The following TF variants were observed in gnomAD, a reference collection of about 807,000 sequenced individuals.
The protein encoded by TF is transferrin.
A neutral mutation model predicts 82.4 loss-of-function variants in TF; 55 were observed. That is an observed-to-expected ratio of 0.67 (90% confidence interval 0.54 to 0.84). The LOEUF is 0.84. Ranked by LOEUF, TF falls within the 40% of genes least tolerant of loss-of-function variation. The probability of loss-of-function intolerance (pLI) is 0.00; values close to 1 mark genes in which losing one functional copy is unlikely to be tolerated. For synonymous variants in TF, 332 were observed against 332.6 expected, an observed-to-expected ratio of 1.00 and a Z score of 0.02; for missense variants, 737 against 868.4, an observed-to-expected ratio of 0.85 and a Z score of 1.90.
At position 133,770,435 on chromosome 3, in the gene TF, G is replaced by C. The variant is rs1296208626; in HGVS notation, c.1623-73G>C. ...TCAGATGGCTGTCCTGAATCTATAA[G>C]GTAGCCCCCTGAATGACAGATAAGT... is the stretch of plus-strand genomic sequence containing the variant. On this transcript the variant is annotated intron_variant, in intron 13 of 16. Coordinates refer to ENST00000402696, the MANE Select transcript of TF (RefSeq NM_001063.4). 2.2e-6 allele frequency: 3 copies of C among 1,389,328 alleles called. No homozygotes were observed. The African/African-American group carries it at 4.3e-5, about 20-fold the overall frequency. The allele number at this position is 1,389,328 out of a possible 1,614,324, so 86.1% of individuals were successfully genotyped here. A position where few individuals can be genotyped will look rare whatever the true frequency, so the allele number is the denominator to read the frequency against.
chr3:133,734,251 G>T, the TF span, among the ~76,000 whole-genome samples: 6 of 152,146 alleles, frequency 3.9e-5, no homozygotes, highest in Admixed American at 3.9e-4. Context: ...ACCACACCTG[G>T]CACCCAGAAT....
At chr3:133,717,948 A>G in the TF span, among the ~76,000 whole-genome samples, 2 of 152,182 alleles carry the variant, frequency 1.3e-5, no homozygotes, top group African/African-American at 4.8e-5. Flanking sequence ...GACATTTCAA[A>G]TCACTGGGGA....
chr3:133,673,235 G>C, the TF span, among the ~76,000 whole-genome samples: 8 of 152,188 alleles, frequency 5.3e-5, no homozygotes, highest in African/African-American at 1.7e-4. Flanking sequence ...AGAGGAAAGA[G>C]ATTCCTAAGG....
chr3:133,753,720 AC>A lies in TF; in HGVS notation c.325+21del. The A allele has an allele frequency of 6.3e-7, 1 of 1,592,642 alleles. No homozygotes were observed. Among genetic ancestry groups the A allele is most frequent in the Non-Finnish European group, 8.6e-7 (1 of 1,160,484 alleles). On this transcript the variant is annotated intron_variant, in intron 3 of 16. Transcript: ENST00000402696. Reference sequence around the variant, plus strand: ...CAAAAGAGGGTAAGTTCTCCCTGGGACCCCAGGAAGGAGTTGTCATCCTTAT... The same window carrying A: ...CAAAAGAGGGTAAGTTCTCCCTGGGACCCAGGAAGGAGTTGTCATCCTTAT...
intron 5 of TF, among the ~76,000 whole-genome samples, chr3:133,755,989 C>T (rs1933816879): frequency 6.6e-6 from 1 of 152,220 alleles, no homozygotes; most frequent in African/African-American, 2.4e-5. Context: ...TTTTCACCCT[C>T]AGGAGACACT....
At position 133,790,358 on chromosome 3, in the gene TF, A is replaced by G. The variant is rs1314965409; in HGVS notation, c.*11738A>G. On this transcript the variant is annotated 3_prime_UTR_variant, in exon 17 of 17. Transcript: ENST00000402696. The stretch of plus-strand genomic sequence containing the variant: ...GTTACTAAGGATAAGAATTCTAGTT[A>G]ACACATAATTCTGTATACAAAACAT... The G allele has an allele frequency of 2.6e-5, 4 of 152,220 alleles. No individual in the cohort carries two copies. The East Asian group carries it at 7.7e-4, about 29-fold the overall frequency. 9.4% of individuals were successfully genotyped at this position (152,220 alleles called of 1,614,324 possible).
At position 133,748,501 on chromosome 3, in the gene TF, A is replaced by G. The variant is rs1187589793; in HGVS notation, c.133A>G (p.Met45Val). The G allele has an allele frequency of 5.0e-6, 8 of 1,614,006 alleles. No homozygotes were observed. Among genetic ancestry groups the G allele is most frequent in the African/African-American group, 2.7e-5 (2 of 74,910 alleles). The change falls in exon 2 of 17, where the codon ATG (methionine) becomes GTG (valine). Residue 45 changes from methionine to valine, a missense_variant. Met to Val is a conservative substitution (Grantham distance 21, BLOSUM62 1). Coordinates refer to ENST00000402696, the MANE Select transcript of TF (RefSeq NM_001063.4). ...TAAGTGCCAGAGTTTCCGCGACCAT[A>G]TGAAAAGCGTCATTCCATCCGATGG... ...ATKCQSFRDH[M>V]KSVIPSDGPS...
the TF span, among the ~76,000 whole-genome samples, chr3:133,725,595 T>C: frequency 1.3e-5 from 2 of 151,998 alleles, no homozygotes; most frequent in Non-Finnish European, 2.9e-5. Flanking sequence ...AATCATGTCA[T>C]CTGCAAACAG....
the TF span, among the ~76,000 whole-genome samples, chr3:133,695,178 G>A: frequency 6.6e-6 from 1 of 151,888 alleles, no homozygotes; most frequent in East Asian, 1.9e-4. Context: ...GCCTGTGCCT[G>A]ACTGTGGCTC....
chr3:133,717,299 G>A, the TF span, among the ~76,000 whole-genome samples: 2 of 152,126 alleles, frequency 1.3e-5, no homozygotes, highest in Admixed American at 1.3e-4. Context: ...GAGCCTAGGA[G>A]GCCAACGAAA....
the TF span, among the ~76,000 whole-genome samples, chr3:133,692,402 G>C: frequency 6.6e-6 from 1 of 152,162 alleles, no homozygotes; most frequent in African/African-American, 2.4e-5. Context: ...GAGCTGCAGG[G>C]AGAACTGCTG....
At chr3:133,732,628 C>T in the TF span, among the ~76,000 whole-genome samples, 7 of 152,350 alleles carry the variant, frequency 4.6e-5, no homozygotes, top group East Asian at 1.3e-3. Context: ...TAACAGTCAT[C>T]ATGAAGGTCT....
chr3:133,698,514 T>C, the TF span, among the ~76,000 whole-genome samples: 1 of 152,190 alleles, frequency 6.6e-6, no homozygotes, highest in Admixed American at 6.5e-5. Context: ...CAGGCCACTG[T>C]CCTCGCTTCT....
In TF at chr3:133,794,003, G is replaced by A. The variant is rs1282352188; in HGVS notation, c.*15383G>A. 1.3e-5 allele frequency: 2 copies of A among 152,118 alleles called. No individual in the cohort carries two copies. Among genetic ancestry groups the A allele is most frequent in the Admixed American group, 6.5e-5 (1 of 15,274 alleles). The allele number at this position is 152,118 out of a possible 1,614,324, so 9.4% of individuals were successfully genotyped here. A position where few individuals can be genotyped will look rare whatever the true frequency, so the allele number is the denominator to read the frequency against. ...TGCTAAATCAGCTGATACTGAAACT[G>A]TTTAGATATAAAATTTGAATAAACT... On this transcript the variant is annotated 3_prime_UTR_variant, in exon 17 of 17. Transcript: ENST00000402696.
chr3:133,735,877 A>C, the TF span, among the ~76,000 whole-genome samples: 4 of 152,168 alleles, frequency 2.6e-5, no homozygotes, highest in Admixed American at 2.6e-4. Context: ...GCTGGAAAAG[A>C]CTCTTCAGGA....
the TF span, among the ~76,000 whole-genome samples, chr3:133,719,472 G>A: frequency 1.3e-5 from 2 of 152,138 alleles, no homozygotes; most frequent in Non-Finnish European, 2.9e-5. Context: ...TGTGGGGAAG[G>A]GGTATGAGGC....
intron 3 of TF, 194 bp downstream of exon 3, chr3:133,753,897 C>A: frequency 1.5e-6 from 1 of 657,252 alleles, no homozygotes. Flanking sequence ...TGGCTGAGGA[C>A]TGGTGCTCCT....
chr3:133,750,246 G>C (rs539528737), intron 2 of TF, among the ~76,000 whole-genome samples: 1 of 152,266 alleles, frequency 6.6e-6, no homozygotes, highest in Non-Finnish European at 1.5e-5. Flanking sequence ...ACTTTAAGGG[G>C]AACCGGGCCA....
chr3:133,746,181 C>A, upstream of TF: 1 of 580,686 alleles, frequency 1.7e-6, no homozygotes, highest in Non-Finnish European at 3.1e-6. Context: ...GCTTCATGTC[C>A]CTTCCCATCA....
Sources: gnomAD v4.1 joint callset for allele counts (sites outside exome capture counted in the v4.1 genomes callset) on GRCh38, gnomAD v4.1.1 for gene constraint, MANE v1.5 for transcripts, NCBI Gene and HGNC (gene_info 2026-07-23, HGNC 2026-07-21) for gene names.